KIAA0753: variants seen among roughly 807,000 people sequenced by gnomAD.
The protein encoded by KIAA0753 is protein moonraker.
KIAA0753 carries 114 observed loss-of-function variants against 116.9 expected under a neutral mutation model. The observed-to-expected ratio is 0.98, with a 90% CI of 0.84 to 1.14. KIAA0753 has a LOEUF of 1.14. Ranked by LOEUF, KIAA0753 falls within the 50% of genes most tolerant of loss-of-function variation. The pLI is 0.00. For synonymous variants in KIAA0753, 405 were observed against 413.1 expected, an observed-to-expected ratio of 0.98 and a Z score of 0.24; for missense variants, 1,156 against 1,172.4, an observed-to-expected ratio of 0.99 and a Z score of 0.20.
chr17:6,627,894 G>C (rs953301203), intron 3 of KIAA0753, among the ~76,000 whole-genome samples: 3 of 152,196 alleles, frequency 2.0e-5, no homozygotes, highest in African/African-American at 7.2e-5. Flanking sequence ...CAGCCACAGT[G>C]AAGAAGTTCT....
chr17:6,600,381 T>C lies in KIAA0753; in HGVS notation c.2087A>G (p.Gln696Arg), dbSNP rs1353790148. The C allele has an allele frequency of 6.2e-7, 1 of 1,612,496 alleles. No individual in the cohort carries two copies. Among genetic ancestry groups the C allele is most frequent in the Non-Finnish European group, 8.5e-7 (1 of 1,178,726 alleles). ...AATGAAACGAACTAGATAGATTACC[T>C]GGGCCTTGACCAAGAGAGGCTTCAA... Reference protein sequence around the residue: ...DRLKPLLVKAQRVNSTTEANI... With the variant: ...DRLKPLLVKARRVNSTTEANI... Residue 696 changes from glutamine (Q) to arginine (R), a missense_variant and splice_region_variant, in exon 13 of 19, where the codon CAG (glutamine) becomes CGG (arginine). By Grantham distance (43) the Gln-to-Arg change is conservative. Coordinates refer to ENST00000361413, the MANE Select transcript of KIAA0753 (RefSeq NM_014804.3).
chr17:6,621,433 T>C (rs1346639682), intron 6 of KIAA0753, among the ~76,000 whole-genome samples: 1 of 152,190 alleles, frequency 6.6e-6, no homozygotes, highest in Non-Finnish European at 1.5e-5. Flanking sequence ...AATAGGTCAA[T>C]AAGAGTGGAG....
rs762085033 is a variant in KIAA0753, at chr17:6,628,432, T to C, written c.403A>G (p.Thr135Ala). Residue 135 changes from threonine (T) to alanine (A), a missense_variant, in exon 3 of 19, where the codon ACT becomes GCT. Coordinates refer to ENST00000361413, the MANE Select transcript of KIAA0753 (RefSeq NM_014804.3). ...CTGTGGTCGGGTATTTTATACTTAG[T>C]ATGTCCACACTTCTGAGAGCTTTGA... ...QPQSSQKCGHTKYKIPDHRVE... is the reference protein window; with the variant it reads ...QPQSSQKCGHAKYKIPDHRVE... 1 of 1,614,120 alleles carries C rather than the reference T, an allele frequency of 6.2e-7. No homozygotes were observed. Among genetic ancestry groups the C allele is most frequent in the African/African-American group, 1.3e-5 (1 of 74,942 alleles).
chr17:6,628,484 T>C lies in KIAA0753; in HGVS notation c.351A>G (p.Ile117Met), dbSNP rs752517059. Reference protein sequence around the residue: ...DVKRRQFEKHIKEHHLRSQPQ... With the variant: ...DVKRRQFEKHMKEHHLRSQPQ... ...GCTGACTTCTGAGATGATGTTCTTT[T>C]ATATGTTTTTCAAATTGTCTTCGTT... Residue 117 changes from isoleucine to methionine, a missense_variant, in exon 3 of 19, where the codon ATA becomes ATG. By Grantham distance (10) the Ile-to-Met change is conservative (BLOSUM62 1). Coordinates refer to ENST00000361413, the MANE Select transcript of KIAA0753 (RefSeq NM_014804.3). The C allele has an allele frequency of 1.9e-5, 31 of 1,614,110 alleles. No homozygotes were observed. The highest frequency in any genetic ancestry group is 1.6e-4 in the Middle Eastern group (1 of 6,084).
intron 18 of KIAA0753, among the ~76,000 whole-genome samples, chr17:6,589,177 T>C (rs1968802859): frequency 6.6e-6 from 1 of 152,124 alleles, no homozygotes; most frequent in Non-Finnish European, 1.5e-5. Flanking sequence ...GGTGGGGCCT[T>C]TGGGAGATAA....
intron 18 of KIAA0753, among the ~76,000 whole-genome samples, chr17:6,581,249 C>T (rs1018178711): frequency 6.6e-6 from 1 of 152,052 alleles, no homozygotes; most frequent in African/African-American, 2.4e-5. Flanking sequence ...ATGACCTTAA[C>T]ATTTTTTAAA....
chr17:6,607,474 C>T (rs1051676988), intron 10 of KIAA0753, among the ~76,000 whole-genome samples: 4 of 152,164 alleles, frequency 2.6e-5, no homozygotes, highest in South Asian at 2.1e-4. Flanking sequence ...TAATGCACAA[C>T]GCAATGAGAA....
At chr17:6,586,711 T>A (rs1968605128) in intron 18 of KIAA0753, among the ~76,000 whole-genome samples, 1 of 152,250 alleles carries the variant, frequency 6.6e-6, no homozygotes, top group African/African-American at 2.4e-5. Flanking sequence ...ACTGTCACCT[T>A]AAGCCTTTCC....
chr17:6,610,396 C>T (rs1473357489), intron 8 of KIAA0753, among the ~76,000 whole-genome samples: 1 of 151,516 alleles, frequency 6.6e-6, no homozygotes, highest in Non-Finnish European at 1.5e-5. Context: ...TGCCTGACAC[C>T]TTTAAACATA....
At chr17:6,589,724 A>G (rs1023786386) in intron 18 of KIAA0753, 55 bp downstream of exon 18, 12 of 1,345,756 alleles carry the variant, frequency 8.9e-6, no homozygotes, top group Non-Finnish European at 1.1e-5. Flanking sequence ...GCTTTTTCTA[A>G]GTCTAAAATT....
chr17:6,587,330 G>A (rs1968652727), intron 18 of KIAA0753, among the ~76,000 whole-genome samples: 1 of 152,162 alleles, frequency 6.6e-6, no homozygotes, highest in Admixed American at 6.6e-5. Context: ...GAACAGCAGA[G>A]GAAAATATTG....
In KIAA0753 at chr17:6,590,588, T is replaced by C. The variant is rs1968921218; in HGVS notation, c.2483A>G (p.His828Arg). ...SAISEKPLSP[H>R]PIRITKTVDR... ...CACTGTCTTCGTGATTCTGATTGGA[T>C]GAGGAGATAGAGGCTTTTCACTTAT... The change falls in exon 17 of 19, where the codon CAT becomes CGT. Residue 828 changes from histidine (H) to arginine (R), a missense_variant. Transcript: ENST00000361413. The C allele has an allele frequency of 6.2e-7, 1 of 1,613,882 alleles. No individual in the cohort carries two copies. Among genetic ancestry groups the C allele is most frequent in the Non-Finnish European group, 8.5e-7 (1 of 1,179,932 alleles).
intron 10 of KIAA0753, 39 bp from the exon 11 acceptor site, chr17:6,607,309 G>A (rs765497616): frequency 5.3e-6 from 8 of 1,511,910 alleles, no homozygotes; most frequent in East Asian, 2.3e-5. Flanking sequence ...ATTCTGCCTC[G>A]ACACTGCAGG....
chr17:6,598,734 C>T (rs34298518), intron 14 of KIAA0753, among the ~76,000 whole-genome samples: 33,002 of 152,130 alleles, frequency 0.22, 4,003 homozygotes, highest in East Asian at 0.37. Context: ...AGAAAATGTG[C>T]TTTTATTTTT....
intron 1 of KIAA0753, chr17:6,636,366 C>G (rs1428075887): frequency 6.6e-6 from 1 of 152,054 alleles, no homozygotes; most frequent in Non-Finnish European, 1.5e-5. Flanking sequence ...GAAATGGGGC[C>G]CGGAGATCTG....
At position 6,610,083 on chromosome 17, in the gene KIAA0753, G is replaced by A. The variant is rs1970432030; in HGVS notation, c.1623C>T (p.Ser541=). ...CAGGCTGCCGGTTCATTTTTAATCT[G>A]GATGAAACTGTTGTCTGCTGCACTC... ...KSRVQQTTVS[S]RLKMNRQPVK... Residue 541 remains serine (S), a synonymous_variant, in exon 9 of 19, where the codon TCC becomes TCT. Coordinates refer to ENST00000361413, the MANE Select transcript of KIAA0753 (RefSeq NM_014804.3). 6.2e-7 allele frequency: 1 copy of A among 1,613,938 alleles called. No homozygotes were observed. The highest frequency in any genetic ancestry group is 1.7e-5 in the Admixed American group (1 of 59,988).
At chr17:6,625,538 G>A (rs1971610205) in intron 3 of KIAA0753, among the ~76,000 whole-genome samples, 1 of 151,558 alleles carries the variant, frequency 6.6e-6, no homozygotes, top group Middle Eastern at 3.2e-3. Context: ...GTGGTGGTGT[G>A]CACCTGTAAT....
chr17:6,636,625 A>G (rs1412356037), intron 1 of KIAA0753, among the ~76,000 whole-genome samples: 1 of 151,858 alleles, frequency 6.6e-6, no homozygotes, highest in African/African-American at 2.4e-5. Flanking sequence ...AAACGTCCCA[A>G]TTTGTCCCTC....
At chr17:6,589,722 TA>T in intron 18 of KIAA0753, 56 bp downstream of exon 18, 2 of 1,343,450 alleles carry the variant, frequency 1.5e-6, no homozygotes, top group Non-Finnish European at 2.1e-6. Context: ...CAGCTTTTTC[TA>T]AGTCTAAAAT....
Sources: allele counts gnomAD v4.1 joint callset (sites outside exome capture counted in the v4.1 genomes callset), GRCh38; gene constraint gnomAD v4.1.1; transcripts MANE v1.5; gene names NCBI Gene and HGNC (gene_info 2026-07-23, HGNC 2026-07-21).